TEX9: variants seen among roughly 807,000 people sequenced by gnomAD.
TEX9 encodes the protein testis-expressed protein 9.
TEX9 carries 74 observed loss-of-function variants against 59.6 expected under a neutral mutation model. That is an observed-to-expected ratio of 1.24 (90% confidence interval 1.03 to 1.51). The LOEUF (loss-of-function observed/expected upper bound fraction) is 1.51. Ranked by LOEUF, TEX9 falls within the 40% of genes most tolerant of loss-of-function variation. The pLI, the probability that TEX9 is intolerant of heterozygous loss-of-function variation, is 0.00. For synonymous variants in TEX9, 186 were observed against 152.2 expected (o/e 1.22, Z -1.64); for missense variants, 522 against 447.8 (o/e 1.17, Z -1.49).
At chr15:56,262,350 T>A (rs2044287575) in intron 1 of TEX9, among the ~76,000 whole-genome samples, 1 of 152,226 alleles carries the variant, frequency 6.6e-6, no homozygotes, top group Admixed American at 6.5e-5. Context: ...ATTTTCATTA[T>A]CTTGAGTACT....
chr15:56,366,266 A>G (rs1271461518), intron 2 of TEX9, among the ~76,000 whole-genome samples: 3 of 152,172 alleles, frequency 2.0e-5, no homozygotes, highest in Non-Finnish European at 4.4e-5. Context: ...CCTTTGCTTA[A>G]AATTCTACAG....
At chr15:56,251,013 G>A (rs1242468085) in intron 1 of TEX9, among the ~76,000 whole-genome samples, 2 of 152,160 alleles carry the variant, frequency 1.3e-5, no homozygotes, top group African/African-American at 4.8e-5. Context: ...TCATGTATTT[G>A]AGAAGATGTC....
chr15:56,350,555 A>G (rs1233546749), intron 1 of TEX9, among the ~76,000 whole-genome samples: 1 of 152,178 alleles, frequency 6.6e-6, no homozygotes, highest in Admixed American at 6.5e-5. Context: ...CACACCAACT[A>G]ATTTCAGATT....
At chr15:56,376,569 A>G (rs1237003221) in intron 3 of TEX9, among the ~76,000 whole-genome samples, 1 of 152,074 alleles carries the variant, frequency 6.6e-6, no homozygotes, top group African/African-American at 2.4e-5. Flanking sequence ...AGAAATGTCT[A>G]TTCAGATCTT....
intron 1 of TEX9, among the ~76,000 whole-genome samples, chr15:56,354,515 G>A (rs1449765268): frequency 6.6e-6 from 1 of 152,088 alleles, no homozygotes; most frequent in African/African-American, 2.4e-5. Context: ...TCAGGTAAAA[G>A]TGACCAACCA....
chr15:56,368,898 T>C (rs1246746184), intron 2 of TEX9, among the ~76,000 whole-genome samples: 1 of 152,144 alleles, frequency 6.6e-6, no homozygotes, highest in African/African-American at 2.4e-5. Context: ...TAAAATTTCA[T>C]TAATCTTTAC....
intron 1 of TEX9, among the ~76,000 whole-genome samples, chr15:56,357,141 C>G (rs772331747): frequency 1.3e-5 from 2 of 152,126 alleles, no homozygotes; most frequent in Non-Finnish European, 2.9e-5. Flanking sequence ...TTTGTCCTAC[C>G]CAGTTTGAGA....
intron 1 of TEX9, among the ~76,000 whole-genome samples, chr15:56,245,351 G>C (rs985681778): frequency 2.5e-4 from 38 of 152,098 alleles, no homozygotes; most frequent in African/African-American, 8.9e-4. Flanking sequence ...AAAATAAGCC[G>C]CCCCCCCGCC....
chr15:56,253,013 T>C (rs1356604049), intron 1 of TEX9, among the ~76,000 whole-genome samples: 3 of 151,990 alleles, frequency 2.0e-5, no homozygotes, highest in Non-Finnish European at 4.4e-5. Context: ...AGGGAAGGAA[T>C]AGATTGATGG....
chr15:56,394,722 A>G lies in TEX9; in HGVS notation c.716A>G (p.Gln239Arg), dbSNP rs760541292. Reference sequence around the variant, plus strand: ...AATTTTGAAGAAGATTTTATGAGACAGCAGCGAACAATTAATATGCAACAG... The same window carrying G: ...AATTTTGAAGAAGATTTTATGAGACGGCAGCGAACAATTAATATGCAACAG... The change falls in exon 9 of 13, where the codon CAG (glutamine) becomes CGG (arginine). Residue 239 changes from glutamine to arginine, a missense_variant. Physicochemically the swap from Gln to Arg is conservative, Grantham distance 43. Transcript: ENST00000352903. The G allele has an allele frequency of 1.9e-5, 30 of 1,610,348 alleles. No individual in the cohort carries two copies. In the South Asian group the frequency reaches 3.3e-4, roughly 18 times the overall value.
At chr15:56,362,084 G>A (rs1419760636), upstream of TEX9, among the ~76,000 whole-genome samples, 1 of 152,074 alleles carries the variant, frequency 6.6e-6, no homozygotes, top group Non-Finnish European at 1.5e-5. Context: ...ATGTGTTCTA[G>A]CTTGGTGAAT....
chr15:56,262,805 G>A (rs1177549351), intron 1 of TEX9, among the ~76,000 whole-genome samples: 2 of 152,100 alleles, frequency 1.3e-5, no homozygotes, highest in African/African-American at 4.8e-5. Context: ...AAAAATTTAG[G>A]ATTGTTGTGT....
chr15:56,365,974 C>G, intron 2 of TEX9: 1 of 998,724 alleles, frequency 1.0e-6, no homozygotes, highest in Non-Finnish European at 1.3e-6. Context: ...GCAGGAATTG[C>G]CACGAATAGT....
intron 1 of TEX9, among the ~76,000 whole-genome samples, chr15:56,316,405 C>T (rs1419600953): frequency 2.0e-5 from 3 of 147,080 alleles, no homozygotes; most frequent in Non-Finnish European, 3.0e-5. Flanking sequence ...TTGGAGTACC[C>T]TGCCGTGTGA....
intron 1 of TEX9, among the ~76,000 whole-genome samples, chr15:56,359,864 G>T (rs1466653101): frequency 6.6e-6 from 1 of 152,162 alleles, no homozygotes; most frequent in Non-Finnish European, 1.5e-5. Flanking sequence ...TCATTAAGCT[G>T]TAGATATTTT....
At chr15:56,302,555 A>T (rs978169498) in intron 1 of TEX9, among the ~76,000 whole-genome samples, 1 of 152,122 alleles carries the variant, frequency 6.6e-6, no homozygotes, top group Non-Finnish European at 1.5e-5. Flanking sequence ...CCTACGAAAG[A>T]TACACAAAAA....
chr15:56,244,064 G>A (rs2043774838), exon 1 of TEX9: 1 of 151,522 alleles, frequency 6.6e-6, no homozygotes, highest in South Asian at 2.1e-4. Context: ...CTGGTGGAGA[G>A]CAGGAAAACG....
intron 12 of TEX9, among the ~76,000 whole-genome samples, chr15:56,435,007 A>G (rs2050696250): frequency 6.6e-6 from 1 of 152,124 alleles, no homozygotes; most frequent in Non-Finnish European, 1.5e-5. Flanking sequence ...AAAATTTCAT[A>G]CATACTAAAA....
At position 56,279,795 on chromosome 15, in the gene TEX9, G is replaced by T. The variant is rs539168941; in HGVS notation, c.-107+35517G>T. Among the ~76,000 whole-genome samples, 8 of 152,260 alleles carry T rather than the reference G, an allele frequency of 5.3e-5. No homozygotes were observed. In the South Asian group the frequency reaches 1.7e-3, roughly 32 times the overall value. ...AATTTTCTTAGCATAATTTACTAAA[G>T]TGAAGCAAACTACCCAGAAATATTG... is the stretch of plus-strand genomic sequence containing the variant. On this transcript the variant is annotated intron_variant, in intron 1 of 5. Coordinates refer to the TEX9 transcript ENST00000560827.
Sources: gnomAD v4.1 joint callset for allele counts (sites outside exome capture counted in the v4.1 genomes callset) on GRCh38, gnomAD v4.1.1 for gene constraint, MANE v1.5 for transcripts, NCBI Gene and HGNC (gene_info 2026-07-23, HGNC 2026-07-21) for gene names.